Variants in SH3D19 observed in about 807,000 individuals in gnomAD.
The protein encoded by SH3D19 is SH3 domain containing 19.
In SH3D19, 58 loss-of-function variants were observed where a neutral mutation model predicts 112.1. That is an observed-to-expected ratio of 0.52 (90% CI 0.42 to 0.64). SH3D19 has a LOEUF of 0.64. SH3D19 is among the 30% of genes least tolerant of loss of function. The pLI is 0.00. For missense variants in SH3D19, 1,090 were observed against 1,263.4 expected (o/e 0.86, Z 2.08); for synonymous variants, 391 against 448.5 (o/e 0.87, Z 1.62).
chr4:151,211,577 T>TAA (rs36073560), intron 2 of SH3D19, among the ~76,000 whole-genome samples: 1,613 of 141,742 alleles, frequency 0.011, 18 homozygotes, highest in Non-Finnish European at 0.018. Flanking sequence ...ATCTGTTAAT[T>TAA]AAAAAAAAAA....
At chr4:151,323,551 G>A (rs1409798643) in intron 1 of SH3D19, among the ~76,000 whole-genome samples, 1 of 152,148 alleles carries the variant, frequency 6.6e-6, no homozygotes, top group Non-Finnish European at 1.5e-5. Flanking sequence ...AAAATCGCAA[G>A]TTTAACCCTC....
intron 1 of SH3D19, chr4:151,300,663 G>A (rs752038881): frequency 5.9e-5 from 9 of 151,786 alleles, no homozygotes; most frequent in Non-Finnish European, 1.2e-4. Flanking sequence ...TTAGGCGGAG[G>A]TATAATGTAC....
In SH3D19 at chr4:151,156,524, T is replaced by C. The variant is rs954951216; in HGVS notation, c.1755+2716A>G. ...GAGAATCCAAAAATTAATCCACATA[T>C]CTACAGCCAATCGATTTTTGACAAA... is the stretch of plus-strand genomic sequence containing the variant. On this transcript the variant is annotated intron_variant, in intron 9 of 19. Transcript: ENST00000604030. Among the ~76,000 whole-genome samples the C allele has an allele frequency of 2.6e-5, 4 of 152,100 alleles. No individual in the cohort carries two copies. The East Asian group carries it at 7.7e-4, about 29-fold the overall frequency.
chr4:151,312,947 G>C (rs1729613444), intron 1 of SH3D19, among the ~76,000 whole-genome samples: 1 of 151,456 alleles, frequency 6.6e-6, no homozygotes, highest in African/African-American at 2.4e-5. Context: ...AAATTAGCCG[G>C]GTGTGGTGGT....
chr4:151,189,152 C>T (rs1337372061), intron 2 of SH3D19, among the ~76,000 whole-genome samples: 3 of 152,030 alleles, frequency 2.0e-5, no homozygotes, highest in African/African-American at 4.8e-5. Context: ...CTCGCTCTGT[C>T]GCCCAGGGTG....
chr4:151,311,438 T>C (rs908574948), intron 1 of SH3D19, among the ~76,000 whole-genome samples: 1 of 152,002 alleles, frequency 6.6e-6, no homozygotes, highest in Non-Finnish European at 1.5e-5. Context: ...TGCGACCACA[T>C]GGATGAACCT....
rs1444780230 is a variant in SH3D19, at chr4:151,173,691, A to T, written c.1534+979T>A. On this transcript the variant is annotated intron_variant, in intron 7 of 19. Transcript: ENST00000604030. The stretch of plus-strand genomic sequence containing the variant: ...AGTTACAATGTTCTGTGCATGATGA[A>T]TATTTAATAATGTGTATGTTTGTTT... Among the ~76,000 whole-genome samples the T allele has an allele frequency of 2.6e-5, 4 of 152,232 alleles. No individual in the cohort carries two copies. The East Asian group carries it at 7.7e-4, about 29-fold the overall frequency.
At chr4:151,208,297 C>T (rs1440829990) in intron 2 of SH3D19, among the ~76,000 whole-genome samples, 1 of 152,204 alleles carries the variant, frequency 6.6e-6, no homozygotes, top group Admixed American at 6.6e-5. Context: ...TCCTGATGGC[C>T]TGCCTTACGA....
At chr4:151,138,044 C>T (rs1752211080) in intron 13 of SH3D19, among the ~76,000 whole-genome samples, 182 bp from the exon 14 acceptor site, 1 of 151,914 alleles carries the variant, frequency 6.6e-6, no homozygotes, top group Admixed American at 6.6e-5. Context: ...GTTATGAGCT[C>T]CCTTTTTAAA....
intron 1 of SH3D19, among the ~76,000 whole-genome samples, chr4:151,254,955 G>GC (rs1300111548): frequency 2.9e-5 from 4 of 138,278 alleles, no homozygotes; most frequent in Non-Finnish European, 6.3e-5. Flanking sequence ...GGGGGCTGAC[G>GC]CCCCCACCTC....
chr4:151,273,800 C>A (rs1216844612), intron 1 of SH3D19, among the ~76,000 whole-genome samples: 2 of 151,932 alleles, frequency 1.3e-5, no homozygotes, highest in Non-Finnish European at 2.9e-5. Flanking sequence ...GAGGTCTGAC[C>A]TTTTAAAAGA....
intron 13 of SH3D19, among the ~76,000 whole-genome samples, chr4:151,138,976 C>T (rs1752452132): frequency 6.6e-6 from 1 of 151,628 alleles, no homozygotes; most frequent in African/African-American, 2.4e-5. Flanking sequence ...TACAGGCATG[C>T]GTCACCATGC....
intron 2 of SH3D19, among the ~76,000 whole-genome samples, chr4:151,205,316 ATCT>A (rs1256983681): frequency 6.6e-6 from 1 of 152,152 alleles, no homozygotes; most frequent in East Asian, 1.9e-4. Context: ...CAATCTTCAC[ATCT>A]TCTGCTACAC....
chr4:151,302,367 CA>C (rs1728510305), intron 1 of SH3D19, among the ~76,000 whole-genome samples: 2 of 152,148 alleles, frequency 1.3e-5, no homozygotes, highest in Admixed American at 1.3e-4. Flanking sequence ...TGGTGTCTAA[CA>C]AATAAGAATG....
At chr4:151,149,710 C>T in intron 9 of SH3D19, 149 bp from the exon 10 acceptor site, 1 of 635,424 alleles carries the variant, frequency 1.6e-6, no homozygotes. Context: ...CAGCCTTAAA[C>T]AATATTAACC....
chr4:151,317,900 A>G (rs1000329256), intron 1 of SH3D19, among the ~76,000 whole-genome samples: 4 of 152,150 alleles, frequency 2.6e-5, no homozygotes, highest in Middle Eastern at 6.8e-3. Context: ...CTGACGCAGG[A>G]GAATCGCTTG....
chr4:151,275,882 G>A (rs10031618), intron 1 of SH3D19, among the ~76,000 whole-genome samples: 47,991 of 143,244 alleles, frequency 0.34, 9,328 homozygotes, highest in Non-Finnish European at 0.45. Flanking sequence ...TCGCTCTGTC[G>A]CCCAGGCTGG....
intron 2 of SH3D19, among the ~76,000 whole-genome samples, chr4:151,215,223 C>T (rs1056924537): frequency 2.0e-5 from 3 of 152,174 alleles, no homozygotes; most frequent in African/African-American, 7.2e-5. Context: ...CAGCCGGCCT[C>T]ATTAAAATAT....
chr4:151,273,860 T>G (rs181582566), intron 1 of SH3D19, among the ~76,000 whole-genome samples: 2 of 152,288 alleles, frequency 1.3e-5, no homozygotes, highest in Admixed American at 6.5e-5. Context: ...GTGAATACCA[T>G]AAATTAATTG....
Sources: gnomAD v4.1 joint callset for allele counts (sites outside exome capture counted in the v4.1 genomes callset) on GRCh38, gnomAD v4.1.1 for gene constraint, MANE v1.5 for transcripts, NCBI Gene and HGNC (gene_info 2026-07-23, HGNC 2026-07-21) for gene names.